The following ATG4C variants were observed in gnomAD, a reference collection of about 807,000 sequenced individuals.
ATG4C encodes the protein cysteine protease ATG4C.
In ATG4C, 56 loss-of-function variants were observed where a neutral mutation model predicts 57.6. The ratio of observed to expected loss-of-function variants is 0.97; its 90% CI spans 0.78 to 1.21. The LOEUF is 1.21. Among genes scored for constraint, ATG4C ranks in the 50% most tolerant of loss-of-function variants. The probability of loss-of-function intolerance (pLI) is 0.00; values close to 1 mark genes in which losing one functional copy is unlikely to be tolerated. For synonymous variants in ATG4C, 157 were observed against 174.1 expected (o/e 0.90, Z 0.78); for missense variants, 595 against 529.8 (o/e 1.12, Z -1.21).
intron 10 of ATG4C, among the ~76,000 whole-genome samples, chr1:62,860,973 T>G (rs1666833475): frequency 6.6e-6 from 1 of 152,204 alleles, no homozygotes; most frequent in African/African-American, 2.4e-5. Context: ...CTTTGTAAAT[T>G]CTGAAACCTG....
intron 6 of ATG4C, among the ~76,000 whole-genome samples, chr1:62,823,469 T>A (rs1189749467): frequency 6.6e-6 from 1 of 152,216 alleles, no homozygotes; most frequent in Non-Finnish European, 1.5e-5. Flanking sequence ...TCATTCTCGT[T>A]GATTTAGATC....
chr1:62,813,964 G>A (rs1476141383), intron 3 of ATG4C, among the ~76,000 whole-genome samples: 1 of 152,180 alleles, frequency 6.6e-6, no homozygotes, highest in Admixed American at 6.5e-5. Flanking sequence ...GAGAGGATGT[G>A]GAGAAATAGG....
At chr1:62,812,581 C>T (rs1229756700) in intron 3 of ATG4C, among the ~76,000 whole-genome samples, 1 of 152,200 alleles carries the variant, frequency 6.6e-6, no homozygotes, top group Non-Finnish European at 1.5e-5. Context: ...TGCCCTATCT[C>T]ACCACTCCTC....
At chr1:62,850,704 T>A (rs1011981723) in intron 10 of ATG4C, among the ~76,000 whole-genome samples, 2 of 151,866 alleles carry the variant, frequency 1.3e-5, no homozygotes, top group Non-Finnish European at 2.9e-5. Flanking sequence ...AGATCTTTAC[T>A]CAAGTGTCAC....
chr1:62,821,068 C>T, intron 5 of ATG4C, 71 bp from the exon 6 acceptor site: 3 of 1,272,326 alleles, frequency 2.4e-6, no homozygotes, highest in Admixed American at 4.7e-5. Flanking sequence ...TTTTTTCCTT[C>T]TTAAATTAAA....
intron 10 of ATG4C, among the ~76,000 whole-genome samples, chr1:62,847,101 C>T (rs113092853): frequency 0.044 from 6,730 of 152,276 alleles, 253 homozygotes; most frequent in Admixed American, 0.12. Flanking sequence ...CACTTGAACC[C>T]GGGAGGTGGA....
intron 1 of ATG4C, among the ~76,000 whole-genome samples, chr1:62,787,261 T>A (rs1664121600): frequency 6.6e-6 from 1 of 152,186 alleles, no homozygotes; most frequent in South Asian, 2.1e-4. Flanking sequence ...TGGTATCATT[T>A]TTTCTTGATT....
At chr1:62,827,856 G>A (rs571720413) in intron 6 of ATG4C, among the ~76,000 whole-genome samples, 4 of 152,076 alleles carry the variant, frequency 2.6e-5, no homozygotes, top group African/African-American at 9.6e-5. Flanking sequence ...TCCCTTCTTT[G>A]TGTTCATGAG....
chr1:62,795,981 A>G (rs12122434), intron 1 of ATG4C, among the ~76,000 whole-genome samples: 3,707 of 152,262 alleles, frequency 0.024, 73 homozygotes, highest in Admixed American at 0.047. Flanking sequence ...CACCACATAG[A>G]ATAAACAGGA....
rs1276782620 is a variant in ATG4C at position 62,850,878 on chromosome 1, A to G, written c.1209+9331A>G. 1.9e-3 allele frequency among the ~76,000 whole-genome samples: 145 copies of G among 75,816 alleles called. 4 individuals carry two copies. Among genetic ancestry groups the G allele is most frequent in the Admixed American group, 6.4e-3 (50 of 7,832 alleles). 49.7% of individuals were successfully genotyped at this position (75,816 alleles called of 152,430 possible). ...TGTATATATATATATATATATATAT[A>G]TATATATATATATATATATATATAC... On this transcript the variant is annotated intron_variant, in intron 10 of 10. Transcript: ENST00000317868.
intron 3 of ATG4C, among the ~76,000 whole-genome samples, chr1:62,812,437 T>A (rs947471470): frequency 6.6e-6 from 1 of 152,084 alleles, no homozygotes; most frequent in Admixed American, 6.6e-5. Context: ...CATGGTAAAA[T>A]CTCTTAATAA....
chr1:62,824,381 G>A (rs11208042), intron 6 of ATG4C, among the ~76,000 whole-genome samples: 1 of 151,892 alleles, frequency 6.6e-6, no homozygotes, highest in South Asian at 2.1e-4. Context: ...TAGGTGATGA[G>A]AAGAATTTGA....
intron 10 of ATG4C, among the ~76,000 whole-genome samples, chr1:62,843,903 G>C (rs1666247574): frequency 6.6e-6 from 1 of 152,168 alleles, no homozygotes; most frequent in African/African-American, 2.4e-5. Context: ...TAAATTGATA[G>C]AGGAAAGAAG....
intron 1 of ATG4C, among the ~76,000 whole-genome samples, chr1:62,792,875 T>G (rs986404452): frequency 3.5e-5 from 5 of 142,008 alleles, no homozygotes; most frequent in Admixed American, 7.6e-5. Flanking sequence ...ATCACAGCTC[T>G]CAGGGTGGTA....
chr1:62,815,435 T>C (rs568622051), intron 3 of ATG4C, among the ~76,000 whole-genome samples: 2 of 152,330 alleles, frequency 1.3e-5, no homozygotes, highest in East Asian at 1.9e-4. Context: ...CTTATTTATA[T>C]GTTATACACC....
chr1:62,853,242 T>C (rs139609553), intron 10 of ATG4C, among the ~76,000 whole-genome samples: 7 of 152,306 alleles, frequency 4.6e-5, no homozygotes, highest in African/African-American at 1.7e-4. Context: ...TTTTTTTCTC[T>C]GAGAGCTTTC....
At chr1:62,788,074 T>G (rs1664148646) in intron 1 of ATG4C, among the ~76,000 whole-genome samples, 1 of 152,178 alleles carries the variant, frequency 6.6e-6, no homozygotes, top group Admixed American at 6.5e-5. Context: ...TATGTGTAGT[T>G]TACAGCTGTG....
chr1:62,794,910 G>A (rs1251450425), intron 1 of ATG4C, among the ~76,000 whole-genome samples: 1 of 152,060 alleles, frequency 6.6e-6, no homozygotes, highest in Non-Finnish European at 1.5e-5. Flanking sequence ...ATCAGATAAG[G>A]GATTGATATT....
intron 1 of ATG4C, among the ~76,000 whole-genome samples, chr1:62,802,263 C>G (rs78004777): frequency 6.6e-6 from 1 of 152,114 alleles, no homozygotes; most frequent in African/African-American, 2.4e-5. Flanking sequence ...CTTCACTGCT[C>G]CAGTCCAAGC....
Sources: allele counts gnomAD v4.1 joint callset (sites outside exome capture counted in the v4.1 genomes callset), GRCh38; gene constraint gnomAD v4.1.1; transcripts MANE v1.5; gene names NCBI Gene and HGNC (gene_info 2026-07-23, HGNC 2026-07-21).